Variants in SYT15B observed in about 807,000 individuals in gnomAD.
SYT15B encodes synaptotagmin-15.
chr10:47,755,464 C>T, the SYT15B span, among the ~76,000 whole-genome samples: 1 of 151,648 alleles, frequency 6.6e-6, no homozygotes, highest in African/African-American at 2.4e-5. Flanking sequence ...ACTGTGTTAG[C>T]CAGGATGGTC....
chr10:47,749,069 C>CA, the SYT15B span, among the ~76,000 whole-genome samples: 1 of 76,712 alleles, frequency 1.3e-5, no homozygotes, highest in South Asian at 4.9e-4. Context: ...CCCTTCTCTA[C>CA]AAAAAATACA....
the SYT15B span, among the ~76,000 whole-genome samples, chr10:47,746,560 C>A: frequency 3.0e-4 from 22 of 73,386 alleles, no homozygotes; most frequent in African/African-American, 9.9e-4. Context: ...TGCCTGTAAT[C>A]CCAGCTACTC....
the SYT15B span, chr10:47,760,746 G>A: frequency 2.4e-6 from 2 of 839,568 alleles, 1 homozygote; most frequent in Non-Finnish European, 3.5e-6. Context: ...GGCCACCCGA[G>A]CAGACCCTGA....
chr10:47,748,673 GA>G, the SYT15B span, among the ~76,000 whole-genome samples: 18 of 151,886 alleles, frequency 1.2e-4, no homozygotes, highest in Non-Finnish European at 2.5e-4. Flanking sequence ...TTCTTTTGTA[GA>G]GGGGGGGGAT....
chr10:47,748,547 GA>G, the SYT15B span, among the ~76,000 whole-genome samples: 1 of 152,134 alleles, frequency 6.6e-6, no homozygotes, highest in Non-Finnish European at 1.5e-5. Context: ...GCAAATGAAA[GA>G]CAAGGAAAAA....
At chr10:47,762,022 G>A in the SYT15B span, among the ~76,000 whole-genome samples, 1 of 135,186 alleles carries the variant, frequency 7.4e-6, no homozygotes, top group Non-Finnish European at 1.6e-5. Context: ...AGGCCAGGAG[G>A]GGAGCTGGGG....
chr10:47,761,076 A>C, the SYT15B span: 1 of 625,734 alleles, frequency 1.6e-6, no homozygotes, highest in Non-Finnish European at 2.7e-6. Context: ...TTCTGGGCCC[A>C]TACCAGGCAA....
the SYT15B span, chr10:47,763,241 C>A: frequency 1.0e-6 from 1 of 985,686 alleles, no homozygotes; most frequent in Non-Finnish European, 1.2e-6. Flanking sequence ...GGCAGGGATG[C>A]GGCGCTCGCG....
At chr10:47,747,036 GA>G in the SYT15B span, among the ~76,000 whole-genome samples, 1 of 134,138 alleles carries the variant, frequency 7.5e-6, no homozygotes, top group African/African-American at 2.8e-5. Context: ...AAAGTTTTTG[GA>G]AAGCTTCCCA....
At chr10:47,762,978 A>G in the SYT15B span, 5 of 1,281,410 alleles carry the variant, frequency 3.9e-6, no homozygotes, top group Non-Finnish European at 4.0e-6. Context: ...GGCTTGGGGC[A>G]GGGTGCGGTG....
At chr10:47,748,491 G>A in the SYT15B span, among the ~76,000 whole-genome samples, 1 of 152,104 alleles carries the variant, frequency 6.6e-6, no homozygotes, top group Non-Finnish European at 1.5e-5. Context: ...GGGATTATAG[G>A]CGTGAGCCAC....
chr10:47,761,037 G>A, the SYT15B span: 8 of 628,466 alleles, frequency 1.3e-5, no homozygotes, highest in East Asian at 2.8e-5. Context: ...AAAAGCCATC[G>A]GGAGCCAGGA....
the SYT15B span, among the ~76,000 whole-genome samples, chr10:47,761,092 A>T: frequency 4.4e-4 from 47 of 106,938 alleles, no homozygotes; most frequent in East Asian, 0.015. Flanking sequence ...GGCAACACAC[A>T]CACACACACG....
At chr10:47,763,283 G>T in the SYT15B span, 2 of 983,724 alleles carry the variant, frequency 2.0e-6, no homozygotes, top group Non-Finnish European at 2.4e-6. Context: ...CAAACCGGTC[G>T]AGAGCGCAAT....
At chr10:47,756,450 AG>A in the SYT15B span, among the ~76,000 whole-genome samples, 2 of 138,928 alleles carry the variant, frequency 1.4e-5, no homozygotes, top group African/African-American at 5.5e-5. Context: ...TCTTTGCATC[AG>A]GAAAGTACCC....
the SYT15B span, among the ~76,000 whole-genome samples, chr10:47,748,724 C>T: frequency 6.6e-6 from 1 of 151,548 alleles, no homozygotes; most frequent in Non-Finnish European, 1.5e-5. Context: ...CTCCTGGGCT[C>T]AAGGGTGCTG....
At chr10:47,755,453 C>A in the SYT15B span, among the ~76,000 whole-genome samples, 1 of 151,158 alleles carries the variant, frequency 6.6e-6, no homozygotes, top group Non-Finnish European at 1.5e-5. Context: ...GACGTGGTTT[C>A]ACTGTGTTAG....
the SYT15B span, chr10:47,751,399 C>G: frequency 2.4e-5 from 2 of 84,060 alleles, no homozygotes; most frequent in African/African-American, 9.1e-5. Flanking sequence ...AATTGCTCAG[C>G]CACTGCAGTT....
the SYT15B span, chr10:47,763,463 A>G: frequency 2.0e-5 from 12 of 597,168 alleles, no homozygotes; most frequent in African/African-American, 1.5e-4. Flanking sequence ...CTTAAGAAGC[A>G]TGTAAAGAAC....
Sources: gnomAD v4.1 joint callset for allele counts (sites outside exome capture counted in the v4.1 genomes callset) on GRCh38, gnomAD v4.1.1 for gene constraint, MANE v1.5 for transcripts, NCBI Gene and HGNC (gene_info 2026-07-23, HGNC 2026-07-21) for gene names.